Variants in KIF5C observed in about 807,000 individuals in gnomAD.
The protein encoded by KIF5C is kinesin family member 5C.
In KIF5C, 18 loss-of-function variants were observed where a neutral mutation model predicts 125.2. That is an observed-to-expected ratio of 0.14 (90% CI 0.10 to 0.21). The LOEUF is 0.21. KIF5C is among the 10% of genes least tolerant of loss of function. The pLI is 1.00. For synonymous variants in KIF5C, 405 were observed against 434.0 expected, an observed-to-expected ratio of 0.93 and a Z score of 0.83; for missense variants, 780 against 1,183.8, an observed-to-expected ratio of 0.66 and a Z score of 5.01.
At chr2:149,021,564 A>G (rs968788670) in intron 25 of KIF5C, among the ~76,000 whole-genome samples, 1 of 152,128 alleles carries the variant, frequency 6.6e-6, no homozygotes, top group Non-Finnish European at 1.5e-5. Flanking sequence ...GTTGCTTACA[A>G]TATTATAACA....
intron 10 of KIF5C, among the ~76,000 whole-genome samples, chr2:148,955,124 T>C (rs1187638316): frequency 6.6e-6 from 1 of 152,110 alleles, no homozygotes; most frequent in African/African-American, 2.4e-5. Context: ...AGCAGGGAAA[T>C]GGCCTCACCA....
At chr2:148,950,483 C>T (rs1477164587) in intron 10 of KIF5C, 21 bp downstream of exon 10, 4 of 1,608,292 alleles carry the variant, frequency 2.5e-6, no homozygotes, top group Non-Finnish European at 1.7e-6. Context: ...TCTCTCAGGA[C>T]CCATCCTCTG....
At chr2:148,964,068 G>A (rs113768906) in intron 11 of KIF5C, among the ~76,000 whole-genome samples, 4 of 152,120 alleles carry the variant, frequency 2.6e-5, no homozygotes, top group African/African-American at 9.7e-5. Context: ...CTGAGGTCGG[G>A]AGTTCGAGAC....
chr2:149,017,066 G>A (rs1199876951), intron 25 of KIF5C, among the ~76,000 whole-genome samples: 1 of 152,154 alleles, frequency 6.6e-6, no homozygotes, highest in African/African-American at 2.4e-5. Context: ...ACCTTAGCAT[G>A]GACTAGACAG....
intron 4 of KIF5C, among the ~76,000 whole-genome samples, chr2:148,938,125 G>T (rs140402584): frequency 4.7e-4 from 72 of 152,254 alleles, no homozygotes; most frequent in African/African-American, 1.7e-3. Flanking sequence ...TATATTCATT[G>T]GAACACCTCT....
rs1269293036 is a variant in KIF5C at position 149,000,594 on chromosome 2, T to C, written c.2312+70T>C. ...GATATTCTGGTTAGATTGGGCTAAT[T>C]TAAAAACAGACAATGGCTATTTGTG... is the stretch of plus-strand genomic sequence containing the variant. On this transcript the variant is annotated intron_variant, in intron 20 of 25. Coordinates refer to ENST00000435030, the MANE Select transcript of KIF5C (RefSeq NM_004522.3). 5 of 1,563,892 alleles carry C rather than the reference T, an allele frequency of 3.2e-6. No individual in the cohort carries two copies. In the African/African-American group the frequency reaches 6.8e-5, roughly 21 times the overall value.
At chr2:149,004,046 GC>G (rs1681933820) in intron 21 of KIF5C, among the ~76,000 whole-genome samples, 1 of 152,222 alleles carries the variant, frequency 6.6e-6, no homozygotes, top group African/African-American at 2.4e-5. Flanking sequence ...CTGCACCCCT[GC>G]CCCTGGGCTG....
intron 1 of KIF5C, among the ~76,000 whole-genome samples, chr2:148,881,719 C>CAGGTTTCCCACCTGTGTCTACT (rs1558869803): frequency 2.0e-5 from 3 of 151,614 alleles, no homozygotes; most frequent in African/African-American, 7.3e-5. Flanking sequence ...GTCCTTACCT[C>CAGGTTTCCCACCTGTGTCTACT]TAAATCATCG....
intron 16 of KIF5C, 27 bp downstream of exon 16, chr2:148,991,225 C>G (rs747535350): frequency 6.2e-7 from 1 of 1,607,616 alleles, no homozygotes; most frequent in African/African-American, 1.3e-5. Flanking sequence ...CCCATCATTG[C>G]ACTCTTGTTG....
Position 149,025,039 on chromosome 2 carries a change from T to A in KIF5C, c.*1969T>A, listed in dbSNP as rs955111844. 6.6e-6 allele frequency: 1 copy of A among 152,352 alleles called. No homozygotes were observed. Among genetic ancestry groups the A allele is most frequent in the East Asian group, 1.9e-4 (1 of 5,200 alleles). 9.4% of individuals were successfully genotyped at this position (152,352 alleles called of 1,614,324 possible). On this transcript the variant is annotated 3_prime_UTR_variant, in exon 26 of 26. Coordinates refer to ENST00000435030, the MANE Select transcript of KIF5C (RefSeq NM_004522.3). ...TTGGAAATTGAACAAAGGTCAGTAA[T>A]GGTTTTTGGCTCTTGTTAATATCCA...
chr2:148,979,007 A>ATT lies in KIF5C; in HGVS notation c.1362+25_1362+26dup. The ATT allele has an allele frequency of 1.3e-6, 2 of 1,526,456 alleles. No individual in the cohort carries two copies. Among genetic ancestry groups the ATT allele is most frequent in the East Asian group, 2.4e-5 (1 of 41,006 alleles). The allele number at this position is 1,526,456 out of a possible 1,614,324, so 94.6% of individuals were successfully genotyped here. On this transcript the variant is annotated intron_variant, in intron 13 of 25. Coordinates refer to ENST00000435030, the MANE Select transcript of KIF5C (RefSeq NM_004522.3). ...CAGGATGAGGTAAAGAATGCAATAT[A>ATT]TTTTTTTTTCCACAAAGTTCTTCTA...
intron 1 of KIF5C, among the ~76,000 whole-genome samples, chr2:148,896,805 A>G (rs766253589): frequency 1.1e-4 from 16 of 149,368 alleles, no homozygotes; most frequent in Admixed American, 2.0e-4. Flanking sequence ...GTTTTTGACT[A>G]TGAGATCATG....
intron 21 of KIF5C, among the ~76,000 whole-genome samples, chr2:149,002,053 C>T (rs1424228093): frequency 6.6e-6 from 1 of 152,200 alleles, no homozygotes; most frequent in Admixed American, 6.5e-5. Context: ...GAGGAGGAGC[C>T]TGTGGAGGGG....
intron 25 of KIF5C, among the ~76,000 whole-genome samples, chr2:149,019,779 C>T (rs930712098): frequency 6.6e-6 from 1 of 152,358 alleles, no homozygotes; most frequent in Non-Finnish European, 1.5e-5. Context: ...AAATCCACTG[C>T]AAGCAATTGC....
Position 149,000,736 on chromosome 2 carries a change from A to G in KIF5C, c.2327A>G (p.Lys776Arg), listed in dbSNP as rs776295960. Reference protein sequence around the residue: ...KLEKLLLLNDKREQAREDLKG... With the variant: ...KLEKLLLLNDRREQAREDLKG... ...TTGTTTTTCAGATTGCTCAACGATA[A>G]AAGGGAACAAGCCAGAGAAGACCTC... Residue 776 changes from lysine to arginine, a missense_variant, in exon 21 of 26, where the codon AAA (lysine) becomes AGA (arginine). Around this residue, in one of 2 missense-constraint regions of KIF5C, gnomAD observed 573 missense variants for 742.6 expected, o/e 0.77. Coordinates refer to ENST00000435030, the MANE Select transcript of KIF5C (RefSeq NM_004522.3). 32 of 1,613,822 alleles carry G rather than the reference A, an allele frequency of 2.0e-5. No individual in the cohort carries two copies. In the Admixed American group the frequency reaches 4.3e-4, roughly 22 times the overall value.
chr2:148,967,968 C>T (rs13386099), intron 11 of KIF5C, among the ~76,000 whole-genome samples: 1 of 151,962 alleles, frequency 6.6e-6, no homozygotes. Context: ...ATGGGGAGGG[C>T]GGGGTGAAGT....
At chr2:148,934,480 C>G (rs1004677239) in intron 3 of KIF5C, among the ~76,000 whole-genome samples, 4 of 151,346 alleles carry the variant, frequency 2.6e-5, no homozygotes, top group Non-Finnish European at 5.9e-5. Flanking sequence ...ACCACACACA[C>G]AGAGACACCC....
rs1287693393 is a variant in KIF5C at position 148,994,482 on chromosome 2, A to G, written c.1967A>G (p.Gln656Arg). Residue 656 changes from glutamine to arginine, a missense_variant, in exon 17 of 26, where the codon CAG becomes CGG. This residue lies in a region of KIF5C where 573 missense variants were observed against 742.6 expected (regional missense o/e 0.77). Coordinates refer to ENST00000435030, the MANE Select transcript of KIF5C (RefSeq NM_004522.3). Reference protein sequence around the residue: ...YMQNMEQKRRQLEESQDSLSE... With the variant: ...YMQNMEQKRRRLEESQDSLSE... The stretch of plus-strand genomic sequence containing the variant: ...CAGAACATGGAACAGAAGAGGAGGC[A>G]GCTAGAAGAGTCCCAGGACTCGCTC... 2 of 1,576,626 alleles carry G rather than the reference A, an allele frequency of 1.3e-6. No homozygotes were observed. The highest frequency in any genetic ancestry group is 1.7e-6 in the Non-Finnish European group (2 of 1,161,282).
chr2:149,010,326 C>A lies in KIF5C; in HGVS notation c.2742C>A (p.Ala914=). Residue 914 remains alanine, a synonymous_variant, in exon 24 of 26, where the codon GCC becomes GCA. Coordinates refer to ENST00000435030, the MANE Select transcript of KIF5C (RefSeq NM_004522.3). ...AGGCCGTGCGGGCCAAGAACATGGC[C>A]AGAAGGGCCCATTCAGCCCAGATCG... is the stretch of plus-strand genomic sequence containing the variant. The part of the protein sequence containing the change: ...IKEAVRAKNM[A]RRAHSAQIAK... 2 of 1,588,572 alleles carry A rather than the reference C, an allele frequency of 1.3e-6. No homozygotes were observed. The highest frequency in any genetic ancestry group is 1.7e-6 in the Non-Finnish European group (2 of 1,168,148).
Sources: allele counts gnomAD v4.1 joint callset (sites outside exome capture counted in the v4.1 genomes callset), GRCh38; gene constraint gnomAD v4.1.1; regional missense constraint gnomAD v4.1.1; transcripts MANE v1.5; gene names NCBI Gene and HGNC (gene_info 2026-07-23, HGNC 2026-07-21).